ADAM32: variants seen among roughly 807,000 people sequenced by gnomAD.
ADAM32 encodes ADAM metallopeptidase domain 32.
A neutral mutation model predicts 114.9 loss-of-function variants in ADAM32; 89 were observed. That is an observed-to-expected ratio of 0.77 (90% CI 0.65 to 0.92). ADAM32 has a LOEUF of 0.92. Among genes scored for constraint, ADAM32 ranks in the 40% least tolerant of loss-of-function variants. ADAM32 has a pLI of 0.00. For synonymous variants in ADAM32, 285 were observed against 307.5 expected (o/e 0.93, Z 0.77); for missense variants, 870 against 932.8 (o/e 0.93, Z 0.88).
chr8:39,135,457 A>G (rs558483176), intron 2 of ADAM32, among the ~76,000 whole-genome samples: 2 of 152,324 alleles, frequency 1.3e-5, no homozygotes, highest in Admixed American at 6.5e-5. Flanking sequence ...CAGAGTTCCC[A>G]TATATACTGT....
At chr8:39,131,226 G>T (rs1255962454) in intron 2 of ADAM32, among the ~76,000 whole-genome samples, 2 of 152,134 alleles carry the variant, frequency 1.3e-5, no homozygotes, top group African/African-American at 4.8e-5. Flanking sequence ...AAAGTGCTGG[G>T]ATTACAGGCG....
At chr8:39,227,166 T>C (rs564351014) in intron 14 of ADAM32, among the ~76,000 whole-genome samples, 55 of 152,208 alleles carry the variant, frequency 3.6e-4, no homozygotes, top group South Asian at 1.2e-3. Context: ...ACCTGGGAGA[T>C]ACCCCAAATA....
At chr8:39,201,336 A>G (rs1046697862) in intron 11 of ADAM32, among the ~76,000 whole-genome samples, 14 of 152,004 alleles carry the variant, frequency 9.2e-5, no homozygotes, top group African/African-American at 3.4e-4. Context: ...AAGAGGATGT[A>G]GTTCACATCC....
intron 21 of ADAM32, among the ~76,000 whole-genome samples, chr8:39,274,551 CTT>C (rs1812956182): frequency 6.6e-6 from 1 of 152,084 alleles, no homozygotes; most frequent in Non-Finnish European, 1.5e-5. Context: ...CTGGAGGTCT[CTT>C]TTGAGGAAAC....
chr8:39,231,159 G>A (rs957056671), intron 14 of ADAM32, among the ~76,000 whole-genome samples: 6 of 152,130 alleles, frequency 3.9e-5, no homozygotes, highest in Non-Finnish European at 5.9e-5. Context: ...AAGGGAGGTC[G>A]CTCTGAGTGC....
chr8:39,232,210 C>A, intron 15 of ADAM32, 75 bp downstream of exon 15: 1 of 1,195,070 alleles, frequency 8.4e-7, no homozygotes, highest in South Asian at 1.5e-5. Flanking sequence ...CCTTCTGTGT[C>A]ATTCATTCCA....
intron 6 of ADAM32, among the ~76,000 whole-genome samples, chr8:39,159,074 C>T (rs1369839321): frequency 6.6e-6 from 1 of 152,066 alleles, no homozygotes; most frequent in Non-Finnish European, 1.5e-5. Context: ...GGCCATACTA[C>T]TTTCTTGTTG....
At chr8:39,240,270 GA>G (rs1810473913) in intron 16 of ADAM32, among the ~76,000 whole-genome samples, 1 of 152,148 alleles carries the variant, frequency 6.6e-6, no homozygotes, top group Admixed American at 6.5e-5. Flanking sequence ...AACTCCAAAA[GA>G]AACCCTCAAA....
intron 19 of ADAM32, among the ~76,000 whole-genome samples, chr8:39,263,713 C>T (rs1469745588): frequency 3.3e-5 from 5 of 152,180 alleles, no homozygotes; most frequent in Admixed American, 6.5e-5. Flanking sequence ...TCACCCCACT[C>T]GAGCTCTGGG....
rs756186164 is a variant in ADAM32, at chr8:39,160,907, C to A, written c.536C>A (p.Ala179Asp). Residue 179 changes from alanine to aspartate, a missense_variant, in exon 7 of 25, where the codon GCT (alanine) becomes GAT (aspartate). Transcript: ENST00000379907. ...TTTCCTTTTTTCTAGTCAGAACCAG[C>A]TGTTCCAGATTTATTTCCTCTTTAT... ...NIFISEKSEP[A>D]VPDLFPLYLE... The A allele has an allele frequency of 3.1e-6, 5 of 1,595,384 alleles. No individual in the cohort carries two copies. Among genetic ancestry groups the A allele is most frequent in the Non-Finnish European group, 4.3e-6 (5 of 1,171,544 alleles).
intron 10 of ADAM32, among the ~76,000 whole-genome samples, chr8:39,176,259 T>C (rs1405789632): frequency 6.6e-6 from 1 of 152,174 alleles, no homozygotes; most frequent in East Asian, 1.9e-4. Flanking sequence ...GGTTCTCTTG[T>C]TCTTTTAGTT....
chr8:39,215,319 T>G (rs969708753), intron 12 of ADAM32, among the ~76,000 whole-genome samples: 1 of 152,048 alleles, frequency 6.6e-6, no homozygotes. Context: ...ACATGGAATA[T>G]TTTTTCATTT....
chr8:39,218,311 G>C (rs1294050604), intron 12 of ADAM32, among the ~76,000 whole-genome samples: 1 of 152,156 alleles, frequency 6.6e-6, no homozygotes, highest in Non-Finnish European at 1.5e-5. Flanking sequence ...TGCTGGATCA[G>C]ACCTGAAGTC....
At chr8:39,205,901 C>T (rs758205001) in intron 11 of ADAM32, among the ~76,000 whole-genome samples, 1 of 152,020 alleles carries the variant, frequency 6.6e-6, no homozygotes, top group Non-Finnish European at 1.5e-5. Flanking sequence ...GGCTCTGTTA[C>T]TGCATAATTT....
chr8:39,179,937 A>G (rs1805746917), intron 10 of ADAM32, among the ~76,000 whole-genome samples: 1 of 151,884 alleles, frequency 6.6e-6, no homozygotes, highest in African/African-American at 2.4e-5. Context: ...TCTTAATGAG[A>G]GGTGACAGCT....
intron 6 of ADAM32, among the ~76,000 whole-genome samples, chr8:39,156,864 T>G (rs969405474): frequency 2.6e-5 from 4 of 152,196 alleles, no homozygotes; most frequent in African/African-American, 9.6e-5. Flanking sequence ...TCTAATTACC[T>G]CTTTAAAGGC....
chr8:39,283,011 C>T (rs117713795), intron 23 of ADAM32, among the ~76,000 whole-genome samples: 2 of 152,252 alleles, frequency 1.3e-5, no homozygotes, highest in African/African-American at 2.4e-5. Context: ...ATTATCTTCT[C>T]TGTGAATTAA....
chr8:39,268,845 G>A (rs75840945), intron 19 of ADAM32, among the ~76,000 whole-genome samples: 45 of 152,332 alleles, frequency 3.0e-4, no homozygotes, highest in African/African-American at 1.0e-3. Flanking sequence ...ACTTTGTTAA[G>A]TAGGATCAGA....
intron 11 of ADAM32, among the ~76,000 whole-genome samples, chr8:39,209,126 A>G (rs372578565): frequency 4.6e-5 from 7 of 152,108 alleles, no homozygotes; most frequent in Non-Finnish European, 1.0e-4. Flanking sequence ...TGACTTGTAC[A>G]TTTGGTATCT....
Sources: gnomAD v4.1 joint callset for allele counts (sites outside exome capture counted in the v4.1 genomes callset) on GRCh38, gnomAD v4.1.1 for gene constraint, MANE v1.5 for transcripts, NCBI Gene and HGNC (gene_info 2026-07-23, HGNC 2026-07-21) for gene names.